Variants in KCTD9 observed in about 807,000 individuals in gnomAD.
KCTD9 encodes potassium channel tetramerization domain containing 9.
In KCTD9, 17 loss-of-function variants were observed where a neutral mutation model predicts 53.3. The ratio of observed to expected loss-of-function variants is 0.32; its 90% confidence interval spans 0.22 to 0.48. The LOEUF (loss-of-function observed/expected upper bound fraction) is 0.48, where lower values mean the gene tolerates loss of function less well. KCTD9 is among the 20% of genes least tolerant of loss of function. The pLI is 0.99. For synonymous variants in KCTD9, 128 were observed against 162.7 expected, an observed-to-expected ratio of 0.79 and a Z score of 1.62; for missense variants, 179 against 465.5, an observed-to-expected ratio of 0.38 and a Z score of 5.66.
Position 25,428,216 on chromosome 8 carries a change from A to C in KCTD9, c.*1641T>G, listed in dbSNP as rs1487262811. 6.6e-6 allele frequency: 1 copy of C among 152,638 alleles called. No homozygotes were observed. Among genetic ancestry groups the C allele is most frequent in the Non-Finnish European group, 1.5e-5 (1 of 68,046 alleles). 9.5% of individuals were successfully genotyped at this position (152,638 alleles called of 1,614,324 possible). A position where few individuals can be genotyped will look rare whatever the true frequency, so the allele number is the denominator to read the frequency against. On this transcript the variant is annotated 3_prime_UTR_variant, in exon 12 of 12. Transcript: ENST00000221200. ...ATATAGTACAGAGTGAAATGATTTA[A>C]ATATAATTTAGGCACATATTGATTA... is the stretch of plus-strand genomic sequence containing the variant.
intron 1 of KCTD9, chr8:25,457,392 G>A (rs1802470474): frequency 1.0e-6 from 1 of 985,040 alleles, no homozygotes; most frequent in Non-Finnish European, 1.2e-6. Context: ...CAAAGGAGCA[G>A]AACAACTTTC....
intron 11 of KCTD9, 61 bp downstream of exon 11, chr8:25,432,443 T>C: frequency 3.5e-6 from 5 of 1,446,238 alleles, no homozygotes; most frequent in Non-Finnish European, 4.8e-6. Context: ...TCAATAAATT[T>C]TGCATGAGAT....
At chr8:25,457,228 T>G (rs1210356487) in intron 1 of KCTD9, 1 of 310,600 alleles carries the variant, frequency 3.2e-6, no homozygotes, top group Non-Finnish European at 4.7e-6. Flanking sequence ...ATTTAAAAAT[T>G]TACAGTGTTC....
chr8:25,437,069 C>A (rs999588359), intron 6 of KCTD9, among the ~76,000 whole-genome samples: 7 of 152,126 alleles, frequency 4.6e-5, no homozygotes, highest in Non-Finnish European at 7.4e-5. Context: ...AAGAATAATA[C>A]AATCTTTTCT....
chr8:25,444,404 A>G, intron 2 of KCTD9, 69 bp from the exon 3 acceptor site: 1 of 1,411,866 alleles, frequency 7.1e-7, no homozygotes, highest in African/African-American at 1.4e-5. Flanking sequence ...TGTTGCTTAT[A>G]GGAACTATTC....
rs749787273 is a variant in KCTD9 at position 25,433,450 on chromosome 8, GAA to G, written c.814-17_814-16del. On this transcript the variant is annotated splice_polypyrimidine_tract_variant and intron_variant, in intron 9 of 11. Coordinates refer to ENST00000221200, the MANE Select transcript of KCTD9 (RefSeq NM_017634.4). ...AGATTCGCACACTGCAAAGAAAAGA[GAA>G]AAGTCCTGGTTGTAAGGTTCATAAT... 1 of 1,485,758 alleles carries G rather than the reference GAA, an allele frequency of 6.7e-7. No individual in the cohort carries two copies. The highest frequency in any genetic ancestry group is 9.2e-7 in the Non-Finnish European group (1 of 1,081,164). 92.0% of individuals were successfully genotyped at this position (1,485,758 alleles called of 1,614,324 possible).
intron 1 of KCTD9, among the ~76,000 whole-genome samples, chr8:25,456,141 C>T (rs1369808598): frequency 2.0e-5 from 3 of 152,210 alleles, no homozygotes; most frequent in Non-Finnish European, 4.4e-5. Context: ...CATAGTCTCA[C>T]AGTCTGGTAA....
intron 1 of KCTD9, among the ~76,000 whole-genome samples, chr8:25,449,983 G>C (rs1331124692): frequency 6.6e-6 from 1 of 152,122 alleles, no homozygotes; most frequent in Non-Finnish European, 1.5e-5. Context: ...CTTCCCCACT[G>C]AAGTCAAATG....
chr8:25,448,160 G>A (rs990313400), intron 1 of KCTD9, among the ~76,000 whole-genome samples: 1 of 151,704 alleles, frequency 6.6e-6, no homozygotes, highest in Non-Finnish European at 1.5e-5. Flanking sequence ...AAAAGGAAAG[G>A]AAAGGAAAGA....
intron 1 of KCTD9, among the ~76,000 whole-genome samples, chr8:25,456,485 A>G (rs1802436209): frequency 6.6e-6 from 1 of 152,196 alleles, no homozygotes; most frequent in South Asian, 2.1e-4. Context: ...AACGTCTTAG[A>G]ATATGTTCAT....
intron 1 of KCTD9, among the ~76,000 whole-genome samples, chr8:25,449,351 T>C (rs1802275773): frequency 6.6e-6 from 1 of 152,250 alleles, no homozygotes; most frequent in Non-Finnish European, 1.5e-5. Flanking sequence ...TTTTGCCTGA[T>C]ATCCCCTCCT....
intron 2 of KCTD9, among the ~76,000 whole-genome samples, chr8:25,445,800 A>T (rs1482251355): frequency 6.6e-6 from 1 of 151,950 alleles, no homozygotes; most frequent in Non-Finnish European, 1.5e-5. Flanking sequence ...AAGCAGGCGC[A>T]TATAAAAGTG....
intron 9 of KCTD9, among the ~76,000 whole-genome samples, chr8:25,434,115 T>C (rs374980078): frequency 6.6e-6 from 1 of 152,322 alleles, no homozygotes; most frequent in African/African-American, 2.4e-5. Flanking sequence ...TTTTGTTTTG[T>C]TTGAGACAAA....
In KCTD9 at chr8:25,446,228, A is replaced by G. The variant is rs1181246392; in HGVS notation, c.71T>C (p.Leu24Ser). 2 of 1,613,870 alleles carry G rather than the reference A, an allele frequency of 1.2e-6. No homozygotes were observed. The highest frequency in any genetic ancestry group is 1.7e-6 in the Non-Finnish European group (2 of 1,179,904). Residue 24 changes from leucine to serine, a missense_variant, in exon 2 of 12, where the codon TTA (leucine) becomes TCA (serine). Transcript: ENST00000221200. ...NGKVVAVYGT[L>S]SDLLSVASSK... ...GCTGGCCACAGAAAGCAAATCAGATAAAGTTCCATATACAGCAACCACCTG... is the reference window on the plus strand; with the variant it reads ...GCTGGCCACAGAAAGCAAATCAGATGAAGTTCCATATACAGCAACCACCTG...
intron 3 of KCTD9, among the ~76,000 whole-genome samples, chr8:25,442,986 A>G (rs1037705839): frequency 2.0e-5 from 3 of 152,174 alleles, no homozygotes; most frequent in Non-Finnish European, 4.4e-5. Context: ...GTAAGACAGA[A>G]GAGGATAAGT....
intron 6 of KCTD9, among the ~76,000 whole-genome samples, chr8:25,438,438 G>T (rs765308157): frequency 3.9e-5 from 6 of 151,926 alleles, no homozygotes; most frequent in African/African-American, 1.5e-4. Context: ...TGATTCTGAT[G>T]TGTTCAGCAT....
chr8:25,444,440 T>C, intron 2 of KCTD9, 105 bp from the exon 3 acceptor site: 1 of 1,078,792 alleles, frequency 9.3e-7, no homozygotes. Context: ...ACAATAGGTT[T>C]TGCTATCAAT....
In KCTD9 at chr8:25,436,224, C is replaced by T. The variant is rs1802015980; in HGVS notation, c.663+11G>A. The T allele has an allele frequency of 6.6e-7, 1 of 1,504,326 alleles. No individual in the cohort carries two copies. The highest frequency in any genetic ancestry group is 9.2e-7 in the Non-Finnish European group (1 of 1,081,956). The allele number at this position is 1,504,326 out of a possible 1,614,324, so 93.2% of individuals were successfully genotyped here. A position where few individuals can be genotyped will look rare whatever the true frequency, so the allele number is the denominator to read the frequency against. ...TGATAGAAATAATTGATGTAAAAGC[C>T]TGCTAATTACCTGGCATCGCAGTTC... On this transcript the variant is annotated intron_variant, in intron 8 of 11. Coordinates refer to ENST00000221200, the MANE Select transcript of KCTD9 (RefSeq NM_017634.4).
In KCTD9 at chr8:25,428,306, A is replaced by C. The variant is rs1210857874; in HGVS notation, c.*1551T>G. 6.6e-6 allele frequency: 1 copy of C among 152,652 alleles called. No homozygotes were observed. The highest frequency in any genetic ancestry group is 1.5e-5 in the Non-Finnish European group (1 of 68,044). 9.5% of individuals were successfully genotyped at this position (152,652 alleles called of 1,614,324 possible). On this transcript the variant is annotated 3_prime_UTR_variant, in exon 12 of 12. Transcript: ENST00000221200. ...TGGTAAAAATAATAAAGCAAAGAAA[A>C]TAATTCATTTCTGAAGTTGCTTTCC... is the stretch of plus-strand genomic sequence containing the variant.
Sources: allele counts gnomAD v4.1 joint callset (sites outside exome capture counted in the v4.1 genomes callset), GRCh38; gene constraint gnomAD v4.1.1; transcripts MANE v1.5; gene names NCBI Gene and HGNC (gene_info 2026-07-23, HGNC 2026-07-21).